PTP4A3: variants seen among roughly 807,000 people sequenced by gnomAD.
PTP4A3 encodes the protein protein tyrosine phosphatase type IVA 3.
Under a neutral mutation model 15.2 loss-of-function variants are expected in PTP4A3, and 9 were observed. The observed-to-expected ratio is 0.59, with a 90% CI of 0.36 to 1.03. The LOEUF is 1.03. Ranked by LOEUF, PTP4A3 falls within the 50% of genes least tolerant of loss-of-function variation. The pLI is 0.02. For missense variants in PTP4A3, 234 were observed against 252.1 expected, an observed-to-expected ratio of 0.93 and a Z score of 0.49; for synonymous variants, 95 against 102.0, an observed-to-expected ratio of 0.93 and a Z score of 0.41.
In PTP4A3 at chr8:141,427,083, C is replaced by CG; in HGVS notation, c.329+18dup. ...GGGCCTGGGCCGGTGAGTGTCGGGG[C>CG]GGGGTAGGGCTCGCCATGTCAGGTG... On this transcript the variant is annotated intron_variant, in intron 4 of 5. Coordinates refer to ENST00000521578, the MANE Select transcript of PTP4A3 (RefSeq NM_032611.3). 6.3e-7 allele frequency: 1 copy of CG among 1,591,476 alleles called. No homozygotes were observed. The highest frequency in any genetic ancestry group is 1.1e-5 in the South Asian group (1 of 90,404).
In PTP4A3 at chr8:141,409,302, G is replaced by T. The variant is rs570736996; in HGVS notation, c.-853-12086G>T. On this transcript the variant is annotated intron_variant, in intron 1 of 5. Coordinates refer to ENST00000521578, the MANE Select transcript of PTP4A3 (RefSeq NM_032611.3). ...GCTGTCTCTGAGCCCTGGAGCTGGCGGGGTAGGGATCAGCTCCTGTGAGCT... is the reference window on the plus strand; with the variant it reads ...GCTGTCTCTGAGCCCTGGAGCTGGCTGGGTAGGGATCAGCTCCTGTGAGCT... Among the ~76,000 whole-genome samples the T allele has an allele frequency of 8.3e-4, 127 of 152,336 alleles. 1 individual carries two copies. Among genetic ancestry groups the T allele is most frequent in the Admixed American group, 3.0e-3 (46 of 15,308 alleles).
rs1334256552 is a variant in PTP4A3 at position 141,421,477 on chromosome 8, C to G, written c.-764C>G. The G allele has an allele frequency of 6.6e-6, 1 of 152,422 alleles. No individual in the cohort carries two copies. The highest frequency in any genetic ancestry group is 1.5e-5 in the Non-Finnish European group (1 of 68,182). 9.4% of individuals were successfully genotyped at this position (152,422 alleles called of 1,614,324 possible). ...TGCTGCGCCCAGGGTCGCCGCGCCTCCTGCTGAGGGGTCCCCGTGCCACTG... is the reference window on the plus strand; with the variant it reads ...TGCTGCGCCCAGGGTCGCCGCGCCTGCTGCTGAGGGGTCCCCGTGCCACTG... On this transcript the variant is annotated 5_prime_UTR_variant, in exon 2 of 6. Coordinates refer to ENST00000521578, the MANE Select transcript of PTP4A3 (RefSeq NM_032611.3).
At chr8:141,407,675 T>C (rs1832764994) in intron 1 of PTP4A3, among the ~76,000 whole-genome samples, 1 of 151,928 alleles carries the variant, frequency 6.6e-6, no homozygotes, top group Non-Finnish European at 1.5e-5. Flanking sequence ...TAAGTGATTC[T>C]CCTGCTTCAG....
intron 1 of PTP4A3, among the ~76,000 whole-genome samples, chr8:141,396,734 C>T (rs1225568919): frequency 6.6e-6 from 1 of 152,166 alleles, no homozygotes; most frequent in Non-Finnish European, 1.5e-5. Context: ...GCTAGCTTGG[C>T]CACGCCAGCT....
chr8:141,408,406 G>T (rs1832785521), intron 1 of PTP4A3, among the ~76,000 whole-genome samples: 1 of 152,220 alleles, frequency 6.6e-6, no homozygotes, highest in African/African-American at 2.4e-5. Context: ...ATCACCTGAG[G>T]TCAGGAGTTT....
At chr8:141,418,369 C>T (rs1362593009) in intron 1 of PTP4A3, among the ~76,000 whole-genome samples, 2 of 152,332 alleles carry the variant, frequency 1.3e-5, no homozygotes, top group Middle Eastern at 3.4e-3. Context: ...CCCTGAACCT[C>T]GATTTCCTCT....
At chr8:141,408,824 T>C (rs1021085852) in intron 1 of PTP4A3, among the ~76,000 whole-genome samples, 7 of 152,188 alleles carry the variant, frequency 4.6e-5, no homozygotes, top group Admixed American at 3.9e-4. Flanking sequence ...AGAGGGATGC[T>C]GGCACCCACC....
At chr8:141,405,211 G>T (rs544852307) in intron 1 of PTP4A3, among the ~76,000 whole-genome samples, 1 of 152,214 alleles carries the variant, frequency 6.6e-6, no homozygotes, top group African/African-American at 2.4e-5. Context: ...GAGGCTGTGG[G>T]GACCCAGGTC....
At chr8:141,422,743 C>G (rs542773691) in intron 2 of PTP4A3, among the ~76,000 whole-genome samples, 114 of 152,288 alleles carry the variant, frequency 7.5e-4, no homozygotes, top group South Asian at 2.1e-3. Flanking sequence ...TGGATGAGGC[C>G]TCAGGTTAGA....
intron 1 of PTP4A3, among the ~76,000 whole-genome samples, chr8:141,402,562 G>A (rs1360923265): frequency 6.6e-6 from 1 of 152,172 alleles, no homozygotes; most frequent in Admixed American, 6.5e-5. Flanking sequence ...TGTTCTTGGC[G>A]GCCTCGCGCC....
chr8:141,417,587 G>A (rs1057095546), intron 1 of PTP4A3, among the ~76,000 whole-genome samples: 2 of 152,102 alleles, frequency 1.3e-5, no homozygotes, highest in South Asian at 4.1e-4. Flanking sequence ...CCACAGGCCC[G>A]TGCAGCCCCA....
intron 1 of PTP4A3, among the ~76,000 whole-genome samples, chr8:141,400,889 G>A (rs1040905852): frequency 2.6e-5 from 4 of 152,166 alleles, no homozygotes; most frequent in African/African-American, 9.7e-5. Flanking sequence ...TGGAGCATGT[G>A]TCCCCAAGAC....
chr8:141,415,929 C>A (rs540609286), intron 1 of PTP4A3, among the ~76,000 whole-genome samples: 1 of 151,842 alleles, frequency 6.6e-6, no homozygotes, highest in African/African-American at 2.4e-5. Context: ...TCCTGGCCCC[C>A]CTAGCAATGG....
intron 1 of PTP4A3, among the ~76,000 whole-genome samples, chr8:141,414,808 A>G (rs946569269): frequency 1.3e-5 from 2 of 151,478 alleles, no homozygotes; most frequent in African/African-American, 4.9e-5. Context: ...GGCCTGAGAG[A>G]CGCCCCCTCA....
chr8:141,430,898 G>A lies in PTP4A3; in HGVS notation c.405-29G>A, dbSNP rs778884834. ...AGATGGCCGAGCCAGGTCCTTGGAT[G>A]ATCTCTGTTCCTGTTCCCCTCTTCC... On this transcript the variant is annotated intron_variant, in intron 5 of 5. Transcript: ENST00000521578. 3 of 1,608,550 alleles carry A rather than the reference G, an allele frequency of 1.9e-6. No individual in the cohort carries two copies. In the East Asian group the frequency reaches 6.7e-5, roughly 36 times the overall value.
rs921129767 is a variant in PTP4A3 at position 141,425,967 on chromosome 8, G to A, written c.198+827G>A. 1.3e-5 allele frequency among the ~76,000 whole-genome samples: 2 copies of A among 152,316 alleles called. No homozygotes were observed. Among genetic ancestry groups the A allele is most frequent in the Non-Finnish European group, 1.5e-5 (1 of 68,016 alleles). On this transcript the variant is annotated intron_variant, in intron 3 of 5. Coordinates refer to ENST00000521578, the MANE Select transcript of PTP4A3 (RefSeq NM_032611.3). The surrounding 1 kb of genome is among the most constrained non-coding windows in gnomAD (Gnocchi z 4.2). ...TCCTCACCTCAAAGCGAGGCTGCTTGGAAGAATGGGAGGCAAAGGCATGTC... is the reference window on the plus strand; with the variant it reads ...TCCTCACCTCAAAGCGAGGCTGCTTAGAAGAATGGGAGGCAAAGGCATGTC...
At position 141,429,964 on chromosome 8, in the gene PTP4A3, A is replaced by G. The variant is rs569268830; in HGVS notation, c.405-963A>G. 1.2e-3 allele frequency among the ~76,000 whole-genome samples: 114 copies of G among 97,058 alleles called. 1 individual carries two copies. The highest frequency in any genetic ancestry group is 4.4e-3 in the African/African-American group (113 of 25,782). 63.7% of individuals were successfully genotyped at this position (97,058 alleles called of 152,430 possible). ...CTGGTGGCGGGGACAGGGTGAGCGC[A>G]CAGCCCACGTCCCCGCTGTAAGGAC... On this transcript the variant is annotated intron_variant, in intron 5 of 5. Coordinates refer to ENST00000521578, the MANE Select transcript of PTP4A3 (RefSeq NM_032611.3).
intron 1 of PTP4A3, among the ~76,000 whole-genome samples, chr8:141,399,584 G>A (rs1832534943): frequency 6.6e-6 from 1 of 152,266 alleles, no homozygotes; most frequent in Non-Finnish European, 1.5e-5. Context: ...TGGAGAATGG[G>A]GAGCCTGGGG....
intron 5 of PTP4A3, 143 bp from the exon 6 acceptor site, chr8:141,430,784 C>G: frequency 2.8e-6 from 2 of 725,816 alleles, no homozygotes; most frequent in Non-Finnish European, 4.7e-6. Context: ...GCAGCCGTGC[C>G]AAGGCCCTGG....
Sources: gnomAD v4.1 joint callset for allele counts (sites outside exome capture counted in the v4.1 genomes callset) on GRCh38, gnomAD v4.1.1 for gene constraint, Gnocchi (gnomAD v3.1) non-coding constraint, MANE v1.5 for transcripts, NCBI Gene and HGNC (gene_info 2026-07-23, HGNC 2026-07-21) for gene names.